The following XKR6 variants were observed in gnomAD, a reference collection of about 807,000 sequenced individuals.
XKR6 encodes XK related 6.
In XKR6, 22 loss-of-function variants were observed where a neutral mutation model predicts 56.7. That is an observed-to-expected ratio of 0.39 (90% CI 0.28 to 0.55). XKR6 has a LOEUF of 0.55. Ranked by LOEUF, XKR6 falls within the 20% of genes least tolerant of loss-of-function variation. XKR6 has a pLI of 0.66. For missense variants in XKR6, 852 were observed against 889.0 expected, an observed-to-expected ratio of 0.96 and a Z score of 0.53; for synonymous variants, 524 against 387.8, an observed-to-expected ratio of 1.35 and a Z score of -4.13.
At chr8:11,153,394 T>C (rs1563178781) in intron 1 of XKR6, among the ~76,000 whole-genome samples, 1 of 152,196 alleles carries the variant, frequency 6.6e-6, no homozygotes, top group African/African-American at 2.4e-5. Context: ...ATAGGTTGGA[T>C]AACTTTAGCC....
intron 1 of XKR6, chr8:11,114,128 C>T: frequency 2.3e-6 from 1 of 427,002 alleles, no homozygotes; most frequent in Non-Finnish European, 4.6e-6. Context: ...AACAAATGAG[C>T]ATGGAATGAA....
chr8:11,063,639 G>C (rs1372471285), intron 1 of XKR6, among the ~76,000 whole-genome samples: 1 of 152,202 alleles, frequency 6.6e-6, no homozygotes, highest in African/African-American at 2.4e-5. Flanking sequence ...TGGCAAGCCT[G>C]GCTTGGGTAG....
intron 2 of XKR6, among the ~76,000 whole-genome samples, chr8:10,912,306 GTATATATATATATATATA>G (rs535084135): frequency 4.2e-4 from 23 of 55,248 alleles, no homozygotes; most frequent in East Asian, 3.8e-3. Flanking sequence ...AAGAGAGGGT[GTATATATATATATATATA>G]TATATATATA....
chr8:11,029,433 T>G (rs1298075595), intron 1 of XKR6, among the ~76,000 whole-genome samples: 1 of 152,172 alleles, frequency 6.6e-6, no homozygotes, highest in African/African-American at 2.4e-5. Context: ...TAGGTTTAGA[T>G]GAGGTCATGA....
chr8:10,903,754 G>A (rs1050684776), intron 2 of XKR6, among the ~76,000 whole-genome samples: 10 of 152,178 alleles, frequency 6.6e-5, no homozygotes, highest in Non-Finnish European at 1.2e-4. Context: ...GGCCTCAGGA[G>A]AGACTTCTCA....
At chr8:11,109,535 C>G (rs756165665) in intron 1 of XKR6, 2 of 152,214 alleles carry the variant, frequency 1.3e-5, no homozygotes, top group Non-Finnish European at 2.9e-5. Flanking sequence ...CCCACAGCTC[C>G]AGACCCGGCA....
chr8:10,986,937 A>ATT (rs570103523), intron 1 of XKR6, among the ~76,000 whole-genome samples: 9 of 146,636 alleles, frequency 6.1e-5, no homozygotes, highest in African/African-American at 2.2e-4. Flanking sequence ...TGCCTGGCCA[A>ATT]TTTTTTTTTT....
intron 1 of XKR6, among the ~76,000 whole-genome samples, chr8:11,140,302 A>G (rs539347786): frequency 3.7e-4 from 56 of 152,286 alleles, no homozygotes; most frequent in African/African-American, 1.3e-3. Context: ...CGAATGAAAA[A>G]CGATCTGAAG....
At chr8:11,153,157 A>G (rs1801345690) in intron 1 of XKR6, among the ~76,000 whole-genome samples, 1 of 152,248 alleles carries the variant, frequency 6.6e-6, no homozygotes, top group East Asian at 1.9e-4. Context: ...CTATATAAAA[A>G]TAACCACCAC....
chr8:10,994,589 G>T lies in XKR6; in HGVS notation c.765-69759C>A, dbSNP rs374639497. 9.2e-5 allele frequency among the ~76,000 whole-genome samples: 14 copies of T among 152,318 alleles called. No homozygotes were observed. The South Asian group carries it at 1.7e-3, about 18-fold the overall frequency. ...AACCAGAGTCCATGATCAGAGTTGGGAGTAACCTGTGTGTTATTTCCACAC... is the reference window on the plus strand; with the variant it reads ...AACCAGAGTCCATGATCAGAGTTGGTAGTAACCTGTGTGTTATTTCCACAC... On this transcript the variant is annotated intron_variant, in intron 1 of 2. Transcript: ENST00000416569.
intron 1 of XKR6, among the ~76,000 whole-genome samples, chr8:11,099,723 G>T (rs1798395621): frequency 6.6e-6 from 1 of 152,178 alleles, no homozygotes; most frequent in African/African-American, 2.4e-5. Flanking sequence ...TGAAAAAACA[G>T]CCACCAACAA....
chr8:11,049,943 C>T (rs1799503465), intron 1 of XKR6, among the ~76,000 whole-genome samples: 1 of 152,152 alleles, frequency 6.6e-6, no homozygotes, highest in Non-Finnish European at 1.5e-5. Context: ...TTTACCATTG[C>T]AAAATATAGC....
intron 1 of XKR6, among the ~76,000 whole-genome samples, chr8:11,107,018 C>T (rs954640013): frequency 6.6e-6 from 1 of 151,888 alleles, no homozygotes; most frequent in East Asian, 1.9e-4. Flanking sequence ...AACTGAAAAC[C>T]TCCCATCCCC....
At chr8:11,119,104 T>A (rs1365079245) in intron 1 of XKR6, among the ~76,000 whole-genome samples, 1 of 152,140 alleles carries the variant, frequency 6.6e-6, no homozygotes, top group Admixed American at 6.5e-5. Flanking sequence ...TCAGTTTCCA[T>A]GTAGTTGAGC....
rs190652574 is a variant in XKR6 at position 11,000,109 on chromosome 8, T to C, written c.765-75279A>G. ...AAGACAAAGAAACAGACCCATGGGA[T>C]GAATTCTCTCAGAGGCACCAAGACT... is the stretch of plus-strand genomic sequence containing the variant. On this transcript the variant is annotated intron_variant, in intron 1 of 2. Transcript: ENST00000416569. Among the ~76,000 whole-genome samples the C allele has an allele frequency of 5.7e-4, 87 of 152,216 alleles. No homozygotes were observed. The East Asian group carries it at 0.014, about 25-fold the overall frequency.
intron 1 of XKR6, among the ~76,000 whole-genome samples, chr8:10,959,839 A>G (rs997717475): frequency 2.6e-5 from 4 of 152,164 alleles, no homozygotes; most frequent in Admixed American, 2.0e-4. Flanking sequence ...AATGGCAGGA[A>G]CCCTCTGGGA....
intron 1 of XKR6, among the ~76,000 whole-genome samples, chr8:11,149,680 G>T (rs888939958): frequency 6.7e-6 from 1 of 150,354 alleles, no homozygotes; most frequent in Non-Finnish European, 1.5e-5. Context: ...ACAGAAAACA[G>T]TATGAAGATT....
At chr8:11,171,048 T>A (rs922531522) in intron 1 of XKR6, among the ~76,000 whole-genome samples, 2 of 152,238 alleles carry the variant, frequency 1.3e-5, no homozygotes, top group African/African-American at 4.8e-5. Flanking sequence ...GAAAAAGAAC[T>A]GAGAAAATGT....
intron 1 of XKR6, among the ~76,000 whole-genome samples, chr8:11,044,730 T>G (rs1437505179): frequency 6.6e-6 from 1 of 151,950 alleles, no homozygotes; most frequent in African/African-American, 2.4e-5. Flanking sequence ...GTGATTCTCC[T>G]GCCTCAGGCT....
Sources: gnomAD v4.1 joint callset for allele counts (sites outside exome capture counted in the v4.1 genomes callset) on GRCh38, gnomAD v4.1.1 for gene constraint, MANE v1.5 for transcripts, NCBI Gene and HGNC (gene_info 2026-07-23, HGNC 2026-07-21) for gene names.